PDE4A: variants seen among roughly 807,000 people sequenced by gnomAD.
PDE4A encodes the protein phosphodiesterase 4A, also known as 3',5'-cyclic-AMP phosphodiesterase 4A.
Under a neutral mutation model 73.9 loss-of-function variants are expected in PDE4A, and 21 were observed. That is an observed-to-expected ratio of 0.28 (90% CI 0.20 to 0.41). The LOEUF is 0.41. PDE4A is among the 10% of genes least tolerant of loss of function. The pLI is 1.00. For synonymous variants in PDE4A, 463 were observed against 505.4 expected (o/e 0.92, Z 1.13); for missense variants, 958 against 1,211.4 (o/e 0.79, Z 3.10).
intron 1 of PDE4A, chr19:10,427,730 C>T (rs2042735746): frequency 3.1e-5 from 29 of 949,528 alleles, no homozygotes; most frequent in Non-Finnish European, 3.6e-5. Context: ...CTTGGCTTCC[C>T]CGTCTCTGAA....
In PDE4A at chr19:10,427,500, A is replaced by G. The variant is rs2042733112; in HGVS notation, c.320+6416A>G. Reference sequence around the variant, plus strand: ...ACAGGCAGCTCATGTAAGGGCTCATAGACCATTAGGCCATGATCAAGGTTG... The same window carrying G: ...ACAGGCAGCTCATGTAAGGGCTCATGGACCATTAGGCCATGATCAAGGTTG... On this transcript the variant is annotated intron_variant, in intron 1 of 14. Transcript: ENST00000380702. 3.0e-6 allele frequency: 3 copies of G among 985,276 alleles called. 1 individual carries two copies. Among genetic ancestry groups the G allele is most frequent in the South Asian group, 9.4e-5 (2 of 21,294 alleles). 61.0% of individuals were successfully genotyped at this position (985,276 alleles called of 1,614,324 possible).
rs977472718 is a variant in PDE4A, at chr19:10,424,450, A to G, written c.320+3366A>G. On this transcript the variant is annotated intron_variant, in intron 1 of 14. Coordinates refer to ENST00000380702, the MANE Select transcript of PDE4A (RefSeq NM_001111307.2). This position sits in a 1 kb window ranked among gnomAD's most constrained non-coding sequence, Gnocchi z 4.8. The stretch of plus-strand genomic sequence containing the variant: ...GTCCCTGGCGCTCCCAAGTCCCTGG[A>G]TGTGGGTTGGGAGCGGGTCTCCCCG... Among the ~76,000 whole-genome samples the G allele has an allele frequency of 7.2e-5, 11 of 152,062 alleles. No homozygotes were observed. Among genetic ancestry groups the G allele is most frequent in the African/African-American group, 2.7e-4 (11 of 41,412 alleles).
At chr19:10,433,967 A>G (rs1278231411) in intron 1 of PDE4A, among the ~76,000 whole-genome samples, 1 of 152,216 alleles carries the variant, frequency 6.6e-6, no homozygotes, top group African/African-American at 2.4e-5. Flanking sequence ...GTGGTGGCTC[A>G]TGCCTGTAAT....
At chr19:10,446,447 C>T (rs377474279) in intron 2 of PDE4A, 38 bp downstream of exon 2, 3 of 1,583,876 alleles carry the variant, frequency 1.9e-6, no homozygotes, top group Non-Finnish European at 2.6e-6. Context: ...TTCCCCCAGG[C>T]CTGGTCCTGC....
chr19:10,465,324 G>A (rs1269165470), intron 14 of PDE4A, among the ~76,000 whole-genome samples: 6 of 151,490 alleles, frequency 4.0e-5, no homozygotes, highest in East Asian at 3.9e-4. Context: ...GGGTTCAAGC[G>A]ATTCTCCTGC....
Position 10,420,739 on chromosome 19 carries a change from C to CA in PDE4A, c.-26_-25insA. On this transcript the variant is annotated 5_prime_UTR_variant, in exon 1 of 15. In the 5' UTR this introduces an upstream ATG that the reference lacks. Transcript: ENST00000380702. This position sits in a 1 kb window ranked among gnomAD's most constrained non-coding sequence, Gnocchi z 6.0. ...TGTAGGTTGGAAGGGCCAGGGCCCC[C>CA]TGGGGCGCAAGTGGGGGCCGGCGCC... The CA allele has an allele frequency of 6.6e-7, 1 of 1,524,100 alleles. No homozygotes were observed. 94.4% of individuals were successfully genotyped at this position (1,524,100 alleles called of 1,614,324 possible).
chr19:10,464,040 G>A, intron 14 of PDE4A, 65 bp downstream of exon 14: 3 of 1,594,106 alleles, frequency 1.9e-6, no homozygotes, highest in Non-Finnish European at 2.6e-6. Flanking sequence ...TTGGCCTGAA[G>A]TTCTGAGGCC....
chr19:10,428,988 C>G (rs1196387796), intron 1 of PDE4A: 1 of 575,368 alleles, frequency 1.7e-6, no homozygotes, highest in Non-Finnish European at 2.2e-6. Flanking sequence ...GCCTGTAATC[C>G]CAGCTACTTG....
chr19:10,461,496 C>A (rs1358524688), intron 11 of PDE4A, 30 bp from the exon 12 acceptor site: 1 of 1,609,964 alleles, frequency 6.2e-7, no homozygotes, highest in South Asian at 1.1e-5. Flanking sequence ...CACACGTGGG[C>A]CCTCCCCTGA....
chr19:10,432,297 G>C, intron 1 of PDE4A: 1 of 1,185,446 alleles, frequency 8.4e-7, no homozygotes, highest in Non-Finnish European at 1.1e-6. Context: ...GCCCGGGGCT[G>C]TCCCTGGGGG....
intron 11 of PDE4A, 141 bp from the exon 12 acceptor site, chr19:10,461,385 C>A: frequency 6.9e-7 from 1 of 1,450,726 alleles, no homozygotes; most frequent in Non-Finnish European, 9.0e-7. Flanking sequence ...AAGGGGATGG[C>A]CGGGCTGGGG....
chr19:10,460,221 A>C (rs895165098), intron 10 of PDE4A, among the ~76,000 whole-genome samples: 1 of 151,066 alleles, frequency 6.6e-6, no homozygotes, highest in Non-Finnish European at 1.5e-5. Flanking sequence ...GTTTTAGTCC[A>C]GGTGCGGTGG....
chr19:10,425,517 C>T (rs1281807585), intron 1 of PDE4A, among the ~76,000 whole-genome samples: 1 of 152,214 alleles, frequency 6.6e-6, no homozygotes, highest in East Asian at 1.9e-4. Flanking sequence ...TCCCCCAAAC[C>T]GCAAACCCGG....
At chr19:10,459,258 A>T (rs1228178294) in intron 8 of PDE4A, 142 bp from the exon 9 acceptor site, 2 of 1,433,526 alleles carry the variant, frequency 1.4e-6, no homozygotes, top group South Asian at 2.6e-5. Flanking sequence ...CGAGGGCAGT[A>T]CATTCTGTGC....
Position 10,467,426 on chromosome 19 carries a change from T to C in PDE4A, c.2466T>C (p.Pro822=), listed in dbSNP as rs747440317. Residue 822 remains proline, a synonymous_variant, in exon 15 of 15, where the codon CCT becomes CCC. Transcript: ENST00000380702. The part of the protein sequence containing the change: ...SALALQSPLL[P]AWRTLSVSEH... ...TGGCTCTTCAAAGCCCCCTTCTCCC[T>C]GCTTGGAGGACCCTGTCTGTTTCAG... 32 of 1,613,756 alleles carry C rather than the reference T, an allele frequency of 2.0e-5. No individual in the cohort carries two copies. Among genetic ancestry groups the C allele is most frequent in the Non-Finnish European group, 2.4e-5 (28 of 1,179,854 alleles).
chr19:10,447,895 A>G (rs898686927), intron 2 of PDE4A, among the ~76,000 whole-genome samples: 25 of 152,044 alleles, frequency 1.6e-4, no homozygotes, highest in Admixed American at 1.6e-3. Flanking sequence ...CCATTGCTGT[A>G]CACACCTCAA....
chr19:10,465,050 A>G (rs1053453244), intron 14 of PDE4A, among the ~76,000 whole-genome samples: 1 of 151,812 alleles, frequency 6.6e-6, no homozygotes, highest in Admixed American at 6.6e-5. Context: ...GGTGAAACCC[A>G]ACCATCTGAG....
At chr19:10,445,715 C>A (rs2145521414) in intron 1 of PDE4A, among the ~76,000 whole-genome samples, 1 of 148,106 alleles carries the variant, frequency 6.8e-6, no homozygotes, top group Non-Finnish European at 1.5e-5. Flanking sequence ...TTGCAGTGAG[C>A]CAAGATCACA....
intron 7 of PDE4A, among the ~76,000 whole-genome samples, 156 bp downstream of exon 7, chr19:10,455,078 C>T (rs1367468346): frequency 2.0e-5 from 3 of 152,192 alleles, no homozygotes; most frequent in Non-Finnish European, 4.4e-5. Context: ...CCCTCATGTT[C>T]CTGATGCCTC....
Sources: gnomAD v4.1 joint callset for allele counts (sites outside exome capture counted in the v4.1 genomes callset) on GRCh38, gnomAD v4.1.1 for gene constraint, Gnocchi (gnomAD v3.1) non-coding constraint, MANE v1.5 for transcripts, NCBI Gene and HGNC (gene_info 2026-07-23, HGNC 2026-07-21) for gene names.